CHSY3: variants seen among roughly 807,000 people sequenced by gnomAD.
CHSY3 encodes N-acetylgalactosaminyl-proteoglycan 3-beta-glucuronosyltransferase 3.
Under a neutral mutation model 67.2 loss-of-function variants are expected in CHSY3, and 35 were observed. That is an observed-to-expected ratio of 0.52 (90% confidence interval 0.40 to 0.69). CHSY3 has a LOEUF of 0.69. CHSY3 is among the 30% of genes least tolerant of loss of function. CHSY3 has a pLI of 0.00. For synonymous variants in CHSY3, 474 were observed against 434.7 expected (o/e 1.09, Z -1.12); for missense variants, 1,069 against 1,138.5 (o/e 0.94, Z 0.88).
chr5:130,103,526 C>G (rs1767316991), intron 2 of CHSY3, among the ~76,000 whole-genome samples: 1 of 151,850 alleles, frequency 6.6e-6, no homozygotes, highest in Admixed American at 6.6e-5. Context: ...CAAGTTTCAT[C>G]TTTTTGCTGA....
chr5:129,911,876 G>GA (rs530620499), intron 2 of CHSY3, among the ~76,000 whole-genome samples: 210 of 152,292 alleles, frequency 1.4e-3, no homozygotes, highest in African/African-American at 4.9e-3. Context: ...CTAACATGGT[G>GA]AAACCCCGTC....
intron 2 of CHSY3, among the ~76,000 whole-genome samples, chr5:129,941,006 G>T (rs1365097289): frequency 1.3e-5 from 2 of 152,046 alleles, no homozygotes; most frequent in South Asian, 2.1e-4. Flanking sequence ...ATTACTTGAA[G>T]CCAGGAGTTT....
At chr5:130,048,914 A>G (rs1765237906) in intron 2 of CHSY3, among the ~76,000 whole-genome samples, 1 of 152,014 alleles carries the variant, frequency 6.6e-6, no homozygotes, top group South Asian at 2.1e-4. Context: ...GATGCACAAC[A>G]TAGCGACTGT....
chr5:129,924,551 C>A (rs1761033203), intron 2 of CHSY3, among the ~76,000 whole-genome samples: 1 of 150,866 alleles, frequency 6.6e-6, no homozygotes, highest in African/African-American at 2.4e-5. Context: ...GAGGCTGAAG[C>A]ACAAGAATTG....
At chr5:129,974,850 T>C (rs549773180) in intron 2 of CHSY3, 1 of 152,284 alleles carries the variant, frequency 6.6e-6, no homozygotes, top group South Asian at 2.1e-4. Context: ...TAAGCTATAG[T>C]GTAGAGAAGT....
intron 2 of CHSY3, among the ~76,000 whole-genome samples, chr5:130,019,941 A>G (rs1764318492): frequency 6.6e-6 from 1 of 152,326 alleles, no homozygotes; most frequent in Non-Finnish European, 1.5e-5. Flanking sequence ...ATTTTGCATT[A>G]TAATTATTTA....
intron 2 of CHSY3, among the ~76,000 whole-genome samples, chr5:130,097,879 G>T (rs1319568163): frequency 6.6e-6 from 1 of 152,014 alleles, no homozygotes; most frequent in Non-Finnish European, 1.5e-5. Context: ...GGTGGTGGGC[G>T]CCTGTAGTCC....
intron 2 of CHSY3, chr5:130,114,265 A>ATGG (rs1313347822): frequency 5.3e-5 from 8 of 152,168 alleles, no homozygotes; most frequent in African/African-American, 1.9e-4. Flanking sequence ...AGTTCATGTG[A>ATGG]TGGTGGTTGC....
intron 2 of CHSY3, among the ~76,000 whole-genome samples, chr5:129,963,451 G>T (rs1181540888): frequency 6.6e-6 from 1 of 152,026 alleles, no homozygotes; most frequent in Non-Finnish European, 1.5e-5. Flanking sequence ...CCCCTCATGG[G>T]ACTGGTATAA....
At chr5:129,911,870 C>T (rs564749174) in intron 2 of CHSY3, among the ~76,000 whole-genome samples, 1 of 152,222 alleles carries the variant, frequency 6.6e-6, no homozygotes, top group South Asian at 2.1e-4. Context: ...TCCTGGCTAA[C>T]ATGGTGAAAC....
rs55819303 is a variant in CHSY3, at chr5:130,038,821, A to G, written c.1086+130461A>G. ...TATTAAGGGTGAGTGCCTGGTTTATAACAGAATTATAAATAAAGCCATCAG... is the reference window on the plus strand; with the variant it reads ...TATTAAGGGTGAGTGCCTGGTTTATGACAGAATTATAAATAAAGCCATCAG... On this transcript the variant is annotated intron_variant, in intron 2 of 2. Coordinates refer to ENST00000305031, the MANE Select transcript of CHSY3 (RefSeq NM_175856.5). 7.3e-3 allele frequency among the ~76,000 whole-genome samples: 1,107 copies of G among 152,124 alleles called. 12 individuals are homozygous for G. Among genetic ancestry groups the G allele is most frequent in the African/African-American group, 0.025 (1,050 of 41,518 alleles).
chr5:130,167,645 C>A (rs1769787041), intron 2 of CHSY3, among the ~76,000 whole-genome samples: 1 of 152,044 alleles, frequency 6.6e-6, no homozygotes, highest in South Asian at 2.1e-4. Context: ...TAAGCCCTTT[C>A]TTACTTTACA....
At chr5:130,019,909 T>C (rs1764317722) in intron 2 of CHSY3, among the ~76,000 whole-genome samples, 1 of 152,264 alleles carries the variant, frequency 6.6e-6, no homozygotes, top group East Asian at 1.9e-4. Context: ...TTTAGGAAAA[T>C]GTTAGGGATT....
At chr5:129,957,151 T>C (rs1418897619) in intron 2 of CHSY3, among the ~76,000 whole-genome samples, 1 of 152,166 alleles carries the variant, frequency 6.6e-6, no homozygotes, top group Non-Finnish European at 1.5e-5. Context: ...TGAACAGTGT[T>C]TTGCAACTCT....
intron 2 of CHSY3, among the ~76,000 whole-genome samples, chr5:129,911,297 A>T (rs1197476587): frequency 6.6e-6 from 1 of 152,202 alleles, no homozygotes; most frequent in Non-Finnish European, 1.5e-5. Context: ...ACTATTAAAA[A>T]TATGTTGTAA....
intron 2 of CHSY3, among the ~76,000 whole-genome samples, chr5:130,049,704 A>G (rs1269332112): frequency 1.3e-5 from 2 of 152,032 alleles, no homozygotes; most frequent in African/African-American, 4.8e-5. Flanking sequence ...TAATTGGTAC[A>G]TAATTGGGTA....
chr5:130,150,829 G>A (rs889066651), intron 2 of CHSY3, among the ~76,000 whole-genome samples: 2 of 152,042 alleles, frequency 1.3e-5, no homozygotes, highest in African/African-American at 2.4e-5. Context: ...AATAAAACTT[G>A]CAGTTTTATT....
chr5:129,905,275 G>C lies in CHSY3; in HGVS notation c.446G>C (p.Arg149Pro). The change falls in exon 1 of 3, where the codon CGG becomes CCG. Residue 149 changes from arginine (R) to proline (P), a missense_variant. Around this residue, in one of 5 missense-constraint regions of CHSY3, gnomAD observed 309 missense variants for 262.5 expected, o/e 1.18. Coordinates refer to ENST00000305031, the MANE Select transcript of CHSY3 (RefSeq NM_175856.5). The part of the protein sequence containing the change: ...GGAAGQRRDG[R>P]PGSSHNGSGD... ...GCGGCTGGGCAGCGGAGAGACGGCC[G>C]GCCGGGGAGTAGCCACAACGGCAGC... The C allele has an allele frequency of 9.6e-6, 14 of 1,454,250 alleles. No homozygotes were observed. The highest frequency in any genetic ancestry group is 1.3e-5 in the Non-Finnish European group (14 of 1,107,030). 90.1% of individuals were successfully genotyped at this position (1,454,250 alleles called of 1,614,324 possible).
At chr5:130,150,782 C>G (rs1307207895) in intron 2 of CHSY3, among the ~76,000 whole-genome samples, 4 of 152,126 alleles carry the variant, frequency 2.6e-5, no homozygotes, top group Non-Finnish European at 5.9e-5. Flanking sequence ...TTGGTTAATA[C>G]CATGTATTTT....
Sources: gnomAD v4.1 joint callset for allele counts (sites outside exome capture counted in the v4.1 genomes callset) on GRCh38, gnomAD v4.1.1 for gene constraint, gnomAD v4.1.1 regional missense constraint, MANE v1.5 for transcripts, NCBI Gene and HGNC (gene_info 2026-07-23, HGNC 2026-07-21) for gene names.